Variants in NFX1 observed in about 807,000 individuals in gnomAD.
The protein encoded by NFX1 is transcriptional repressor NF-X1.
A neutral mutation model predicts 137.2 loss-of-function variants in NFX1; 69 were observed. The observed-to-expected ratio is 0.50, with a 90% confidence interval of 0.41 to 0.61. The LOEUF is 0.61. NFX1 is among the 20% of genes least tolerant of loss of function. The probability of loss-of-function intolerance (pLI) is 0.00; values close to 1 mark genes in which losing one functional copy is unlikely to be tolerated. For missense variants in NFX1, 1,167 were observed against 1,391.0 expected (o/e 0.84, Z 2.56); for synonymous variants, 495 against 474.1 (o/e 1.04, Z -0.57).
At chr9:33,310,083 T>C (rs931183445) in intron 5 of NFX1, among the ~76,000 whole-genome samples, 2 of 152,262 alleles carry the variant, frequency 1.3e-5, no homozygotes, top group African/African-American at 4.8e-5. Flanking sequence ...TGAGTCATCT[T>C]AGAAGACTAG....
chr9:33,359,568 T>C (rs1427201422), intron 19 of NFX1, among the ~76,000 whole-genome samples: 1 of 151,612 alleles, frequency 6.6e-6, no homozygotes, highest in Non-Finnish European at 1.5e-5. Flanking sequence ...CACCACACTC[T>C]AGCCTAGACG....
chr9:33,311,843 G>T (rs1002924579), intron 6 of NFX1, among the ~76,000 whole-genome samples: 3 of 152,112 alleles, frequency 2.0e-5, no homozygotes, highest in African/African-American at 4.8e-5. Flanking sequence ...GAGCTACCGC[G>T]CTCGGTCGGC....
intron 2 of NFX1, among the ~76,000 whole-genome samples, chr9:33,298,330 G>A (rs1190177415): frequency 6.6e-6 from 1 of 152,180 alleles, no homozygotes; most frequent in African/African-American, 2.4e-5. Context: ...GATGTGGGGA[G>A]GGGTATTATA....
chr9:33,301,351 T>G lies in NFX1; in HGVS notation c.1122T>G (p.Cys374Trp). 6.2e-7 allele frequency: 1 copy of G among 1,614,234 alleles called. No individual in the cohort carries two copies. The highest frequency in any genetic ancestry group is 8.5e-7 in the Non-Finnish European group (1 of 1,180,042). ...LVRVTAPVWS[C>W]QSCYHVFHLN... ...GTGTCACGGCCCCAGTGTGGAGTTG[T>G]CAGAGCTGTTACCATGTGTTTCATT... The change falls in exon 3 of 24, where the codon TGT becomes TGG. Residue 374 changes from cysteine to tryptophan, a missense_variant. Physicochemically the swap from Cys to Trp is radical, Grantham distance 215. This residue lies in a region of NFX1 where 488 missense variants were observed against 691.5 expected (regional missense o/e 0.71). Transcript: ENST00000379540.
chr9:33,366,961 C>T (rs1824187609), intron 22 of NFX1, among the ~76,000 whole-genome samples, 187 bp downstream of exon 22: 1 of 152,250 alleles, frequency 6.6e-6, no homozygotes, highest in Non-Finnish European at 1.5e-5. Context: ...ACCTATGCCT[C>T]GACCCACAGG....
chr9:33,297,417 A>G (rs572418074), intron 2 of NFX1, among the ~76,000 whole-genome samples: 1 of 152,340 alleles, frequency 6.6e-6, no homozygotes, highest in South Asian at 2.1e-4. Flanking sequence ...TTGTTACTGA[A>G]TCCTTAAGGC....
At chr9:33,352,004 G>A (rs1032545297) in intron 16 of NFX1, 16 of 497,212 alleles carry the variant, frequency 3.2e-5, no homozygotes, top group African/African-American at 3.9e-5. Context: ...CACTGCCACC[G>A]GACCACAGTC....
At position 33,370,220 on chromosome 9, in the gene NFX1, A is replaced by G. The variant is rs934334429; in HGVS notation, c.*242A>G. 9 of 396,230 alleles carry G rather than the reference A, an allele frequency of 2.3e-5. No individual in the cohort carries two copies. The highest frequency in any genetic ancestry group is 1.5e-4 in the African/African-American group (7 of 47,776). The allele number at this position is 396,230 out of a possible 1,614,324, so 24.5% of individuals were successfully genotyped here. A position where few individuals can be genotyped will look rare whatever the true frequency, so the allele number is the denominator to read the frequency against. ...CACTAGGTATGCAATCACGCATTCA[A>G]AGAGGCTCTTTACACCATCACTGTG... On this transcript the variant is annotated 3_prime_UTR_variant, in exon 24 of 24. Coordinates refer to ENST00000379540, the MANE Select transcript of NFX1 (RefSeq NM_002504.6).
intron 13 of NFX1, 74 bp from the exon 14 acceptor site, chr9:33,343,985 ATGTGTGTGTT>A (rs1363660544): frequency 7.6e-5 from 119 of 1,562,312 alleles, no homozygotes; most frequent in Admixed American, 1.0e-4. Context: ...ACAAGCAAAA[ATGTGTGTGTT>A]TGTGTGTGTT....
chr9:33,316,063 G>T (rs1443277200), intron 7 of NFX1, among the ~76,000 whole-genome samples: 1 of 152,072 alleles, frequency 6.6e-6, no homozygotes, highest in East Asian at 1.9e-4. Context: ...AAAATTTCTG[G>T]TCTGTTCTCT....
At chr9:33,317,436 G>A (rs593495) in intron 7 of NFX1, among the ~76,000 whole-genome samples, 105,017 of 135,024 alleles carry the variant, frequency 0.78, 40,230 homozygotes, top group East Asian at 0.82. Flanking sequence ...AAAAAAAAAA[G>A]AAAGAAAGAA....
At chr9:33,296,215 G>A (rs1430555309) in intron 2 of NFX1, among the ~76,000 whole-genome samples, 1 of 152,148 alleles carries the variant, frequency 6.6e-6, no homozygotes, top group Non-Finnish European at 1.5e-5. Flanking sequence ...GAGCCACTGC[G>A]CCCTGCCTAA....
At chr9:33,295,759 G>T (rs573092223) in intron 2 of NFX1, among the ~76,000 whole-genome samples, 1 of 152,242 alleles carries the variant, frequency 6.6e-6, no homozygotes, top group South Asian at 2.1e-4. Context: ...GAAAACAAGT[G>T]GTGGGTGGTA....
chr9:33,345,286 G>T (rs1280784720), intron 14 of NFX1, among the ~76,000 whole-genome samples: 4 of 152,092 alleles, frequency 2.6e-5, no homozygotes, highest in African/African-American at 7.2e-5. Context: ...AGACCAGTCT[G>T]GCCAACATGG....
chr9:33,308,325 C>G (rs1821835291), intron 5 of NFX1, among the ~76,000 whole-genome samples: 1 of 152,090 alleles, frequency 6.6e-6, no homozygotes, highest in Non-Finnish European at 1.5e-5. Context: ...ACCTGTAGTC[C>G]CAGCTACTTG....
chr9:33,338,675 CG>C, intron 12 of NFX1, 86 bp downstream of exon 12: 3 of 1,235,136 alleles, frequency 2.4e-6, no homozygotes, highest in Non-Finnish European at 3.4e-6. Context: ...GAATGCAGCC[CG>C]GATTTAAAAG....
At chr9:33,310,324 ACAGTTGTCGTAGAAGTT>A (rs955197632) in intron 5 of NFX1, among the ~76,000 whole-genome samples, 1 of 152,144 alleles carries the variant, frequency 6.6e-6, no homozygotes, top group Non-Finnish European at 1.5e-5. Context: ...TACTCCAAAA[ACAGTTGTCGTAGAAGTT>A]CCCAAAATGT....
At chr9:33,358,977 G>C (rs1376489514) in intron 19 of NFX1, among the ~76,000 whole-genome samples, 1 of 151,870 alleles carries the variant, frequency 6.6e-6, no homozygotes, top group Non-Finnish European at 1.5e-5. Context: ...GGGTTTACAG[G>C]CGTGAGCCAC....
intron 9 of NFX1, among the ~76,000 whole-genome samples, chr9:33,327,999 GATTT>G (rs1304535318): frequency 6.6e-6 from 1 of 152,010 alleles, no homozygotes; most frequent in Admixed American, 6.6e-5. Context: ...GGAAAAAGAA[GATTT>G]ATTCTGTGTT....
Sources: gnomAD v4.1 joint callset for allele counts (sites outside exome capture counted in the v4.1 genomes callset) on GRCh38, gnomAD v4.1.1 for gene constraint, gnomAD v4.1.1 regional missense constraint, MANE v1.5 for transcripts, NCBI Gene and HGNC (gene_info 2026-07-23, HGNC 2026-07-21) for gene names.